PTPRO: variants seen among roughly 807,000 people sequenced by gnomAD.
PTPRO encodes the protein protein tyrosine phosphatase receptor type O.
A neutral mutation model predicts 145.2 loss-of-function variants in PTPRO; 62 were observed. The observed-to-expected ratio is 0.43, with a 90% CI of 0.35 to 0.53. PTPRO has a LOEUF of 0.53. PTPRO is among the 20% of genes least tolerant of loss of function. The pLI, the probability that PTPRO is intolerant of heterozygous loss-of-function variation, is 0.01. For missense variants in PTPRO, 1,345 were observed against 1,482.7 expected (o/e 0.91, Z 1.53); for synonymous variants, 565 against 514.7 (o/e 1.10, Z -1.32).
intron 1 of PTPRO, among the ~76,000 whole-genome samples, chr12:15,391,414 T>C (rs1408157826): frequency 6.6e-6 from 1 of 152,216 alleles, no homozygotes; most frequent in Non-Finnish European, 1.5e-5. Context: ...TTGGCTGGCC[T>C]AGGGTTCTTT....
chr12:15,476,509 G>C (rs952413257), intron 1 of PTPRO, among the ~76,000 whole-genome samples: 10 of 151,330 alleles, frequency 6.6e-5, no homozygotes, highest in African/African-American at 2.4e-4. Flanking sequence ...CTCCCATGTT[G>C]TAGGTTGCCT....
chr12:15,327,562 C>T (rs1215463052), intron 1 of PTPRO, among the ~76,000 whole-genome samples: 1 of 152,194 alleles, frequency 6.6e-6, no homozygotes. Context: ...TTGGTTATCC[C>T]TATGGTAGTG....
At position 15,483,975 on chromosome 12, in the gene PTPRO, A is replaced by G. The variant is rs144974646; in HGVS notation, c.77A>G (p.Asn26Ser). The G allele has an allele frequency of 6.2e-7, 1 of 1,613,302 alleles. No homozygotes were observed. Among genetic ancestry groups the G allele is most frequent in the Non-Finnish European group, 8.5e-7 (1 of 1,179,378 alleles). The part of the protein sequence containing the change: ...PLLWLFVLFK[N>S]ATAFHVTVQD... ...TTTTTATTCTGTTTCATTCAACAGA[A>G]TGCTACAGCTTTCCATGTAACTGTC... Residue 26 changes from asparagine (N) to serine (S), a missense_variant and splice_region_variant, in exon 2 of 27, where the codon AAT becomes AGT. Around this residue, in one of 3 missense-constraint regions of PTPRO, gnomAD observed 1,130 missense variants for 1,214.7 expected, o/e 0.93. Transcript: ENST00000281171.
At chr12:15,372,110 G>C (rs1938548851) in intron 1 of PTPRO, among the ~76,000 whole-genome samples, 1 of 152,150 alleles carries the variant, frequency 6.6e-6, no homozygotes, top group African/African-American at 2.4e-5. Flanking sequence ...TTTAAATTGT[G>C]AACTTCTCTA....
At position 15,499,445 on chromosome 12, in the gene PTPRO, T is replaced by C; in HGVS notation, c.512T>C (p.Phe171Ser). 6.2e-7 allele frequency: 1 copy of C among 1,612,734 alleles called. No individual in the cohort carries two copies. Among genetic ancestry groups the C allele is most frequent in the Non-Finnish European group, 8.5e-7 (1 of 1,178,842 alleles). Residue 171 changes from phenylalanine (F) to serine (S), a missense_variant, in exon 4 of 27, where the codon TTC becomes TCC. Transcript: ENST00000281171. ...GTAATTGATTTTCTCTTCACAGATT[T>C]CTTTAAGGGAAAAACAGTATTTAAT... ...KDFRTMLYKD[F>S]FKGKTVFNHW...
chr12:15,340,609 G>A (rs1182240745), intron 1 of PTPRO, among the ~76,000 whole-genome samples: 1 of 152,138 alleles, frequency 6.6e-6, no homozygotes, highest in East Asian at 1.9e-4. Flanking sequence ...TAGATTTGAT[G>A]CTTCTGTACT....
chr12:15,463,117 G>T (rs910928780), intron 1 of PTPRO, among the ~76,000 whole-genome samples: 1 of 152,092 alleles, frequency 6.6e-6, no homozygotes, highest in Non-Finnish European at 1.5e-5. Flanking sequence ...TAATGGGAAA[G>T]GCTTGAGAGA....
chr12:15,359,000 A>G (rs1176377646), intron 1 of PTPRO, among the ~76,000 whole-genome samples: 4 of 152,242 alleles, frequency 2.6e-5, no homozygotes, highest in Admixed American at 2.6e-4. Flanking sequence ...TACAGTTTAC[A>G]TAATTGTGCA....
At chr12:15,324,978 AG>A (rs1326124535) in intron 1 of PTPRO, among the ~76,000 whole-genome samples, 2 of 152,188 alleles carry the variant, frequency 1.3e-5, no homozygotes, top group African/African-American at 4.8e-5. Context: ...CTACTCAAGC[AG>A]GTTGTGACTG....
intron 1 of PTPRO, chr12:15,440,312 T>A (rs557903565): frequency 5.9e-6 from 3 of 504,404 alleles, no homozygotes; most frequent in Non-Finnish European, 1.1e-5. Flanking sequence ...ATTCACCATG[T>A]CTCCCTATCA....
At chr12:15,568,164 T>C (rs1943949916) in intron 18 of PTPRO, among the ~76,000 whole-genome samples, 1 of 152,194 alleles carries the variant, frequency 6.6e-6, no homozygotes. Context: ...GTGCAGTGGC[T>C]CACACCTGTA....
At chr12:15,470,583 C>T (rs253826) in intron 1 of PTPRO, among the ~76,000 whole-genome samples, 3,910 of 152,194 alleles carry the variant, frequency 0.026, 168 homozygotes, top group East Asian at 0.14. Context: ...AAATTAGGAG[C>T]TGTGCAGAGC....
intron 12 of PTPRO, among the ~76,000 whole-genome samples, chr12:15,540,528 C>T (rs1278063812): frequency 6.6e-6 from 1 of 152,144 alleles, no homozygotes; most frequent in African/African-American, 2.4e-5. Context: ...TAATCTTGGC[C>T]TCATAAACAT....
chr12:15,476,099 T>C (rs1941647206), intron 1 of PTPRO, among the ~76,000 whole-genome samples: 1 of 152,130 alleles, frequency 6.6e-6, no homozygotes, highest in Non-Finnish European at 1.5e-5. Flanking sequence ...GTTTAAGAAG[T>C]ATTGCTGGAG....
At chr12:15,495,390 T>G (rs1373942722) in intron 2 of PTPRO, among the ~76,000 whole-genome samples, 1 of 148,790 alleles carries the variant, frequency 6.7e-6, no homozygotes, top group East Asian at 2.0e-4. Flanking sequence ...TGAGACATAC[T>G]AGATCCTCAA....
chr12:15,394,456 T>G (rs901727341), intron 1 of PTPRO, among the ~76,000 whole-genome samples: 3 of 152,148 alleles, frequency 2.0e-5, no homozygotes, highest in Non-Finnish European at 4.4e-5. Context: ...CTTGAAAAGA[T>G]ACTACCTTCA....
chr12:15,508,462 T>G (rs1942368616), intron 6 of PTPRO, 109 bp from the exon 7 acceptor site: 2 of 1,185,268 alleles, frequency 1.7e-6, no homozygotes, highest in Non-Finnish European at 2.5e-6. Context: ...AATCTTTCTT[T>G]GAATCTCATT....
At chr12:15,446,682 T>C (rs1325246829) in intron 1 of PTPRO, among the ~76,000 whole-genome samples, 1 of 151,648 alleles carries the variant, frequency 6.6e-6, no homozygotes, top group Admixed American at 6.6e-5. Context: ...ATGTCATAAG[T>C]AGGATAGAAG....
intron 1 of PTPRO, among the ~76,000 whole-genome samples, chr12:15,425,885 C>A (rs1940272189): frequency 6.6e-6 from 1 of 151,896 alleles, no homozygotes; most frequent in Non-Finnish European, 1.5e-5. Context: ...TCACTGTTCT[C>A]ATTTATTTAT....
Sources: gnomAD v4.1 joint callset for allele counts (sites outside exome capture counted in the v4.1 genomes callset) on GRCh38, gnomAD v4.1.1 for gene constraint, gnomAD v4.1.1 regional missense constraint, MANE v1.5 for transcripts, NCBI Gene and HGNC (gene_info 2026-07-23, HGNC 2026-07-21) for gene names.